The following IL6R variants were observed in gnomAD, a reference collection of about 807,000 sequenced individuals.
IL6R encodes interleukin 6 receptor.
IL6R carries 38 observed loss-of-function variants against 48.3 expected under a neutral mutation model. That is an observed-to-expected ratio of 0.79 (90% CI 0.61 to 1.03). The LOEUF (loss-of-function observed/expected upper bound fraction) is 1.03, where lower values mean the gene tolerates loss of function less well. IL6R is among the 50% of genes least tolerant of loss of function. The pLI, the probability that IL6R is intolerant of heterozygous loss-of-function variation, is 0.00. For missense variants in IL6R, 534 were observed against 618.3 expected (o/e 0.86, Z 1.45); for synonymous variants, 264 against 256.2 (o/e 1.03, Z -0.29).
chr1:154,441,103 GCT>G (rs1570974992), intron 6 of IL6R, among the ~76,000 whole-genome samples: 2 of 152,224 alleles, frequency 1.3e-5, no homozygotes, highest in African/African-American at 2.4e-5. Flanking sequence ...TTCCTAGTCT[GCT>G]CTCTCTGAAT....
At chr1:154,434,103 C>T (rs375805796) in intron 3 of IL6R, among the ~76,000 whole-genome samples, 30 of 151,852 alleles carry the variant, frequency 2.0e-4, no homozygotes, top group African/African-American at 5.5e-4. Flanking sequence ...GAGGCTGAGG[C>T]GGGCAGATCA....
At chr1:154,462,777 T>A (rs985112909) in intron 9 of IL6R, among the ~76,000 whole-genome samples, 1 of 152,172 alleles carries the variant, frequency 6.6e-6, no homozygotes, top group Non-Finnish European at 1.5e-5. Context: ...TACCAATTAT[T>A]TGGGTGTTAT....
chr1:154,428,095 A>G (rs1558308552), intron 1 of IL6R, among the ~76,000 whole-genome samples: 2 of 152,208 alleles, frequency 1.3e-5, no homozygotes, highest in Non-Finnish European at 2.9e-5. Context: ...TGGTTGGACT[A>G]ATTTGATTGG....
chr1:154,429,279 A>G lies in IL6R; in HGVS notation c.169A>G (p.Thr57Ala). ...GGGGGTAGAGCCGGAAGACAATGCC[A>G]CTGTTCACTGGGTGCTCAGGAAGCC... ...CPGVEPEDNA[T>A]VHWVLRKPAA... The change falls in exon 2 of 10, where the codon ACT (threonine) becomes GCT (alanine). Residue 57 changes from threonine to alanine, a missense_variant. Coordinates refer to ENST00000368485, the MANE Select transcript of IL6R (RefSeq NM_000565.4). 1.2e-6 allele frequency: 2 copies of G among 1,614,062 alleles called. No individual in the cohort carries two copies. Among genetic ancestry groups the G allele is most frequent in the African/African-American group, 2.7e-5 (2 of 75,012 alleles).
At chr1:154,411,134 C>T (rs1334417104) in intron 1 of IL6R, among the ~76,000 whole-genome samples, 1 of 152,180 alleles carries the variant, frequency 6.6e-6, no homozygotes, top group Admixed American at 6.5e-5. Flanking sequence ...TCTTGGCTCA[C>T]TGCAACCTCT....
intron 6 of IL6R, among the ~76,000 whole-genome samples, chr1:154,440,232 A>G (rs1689857614): frequency 1.3e-5 from 2 of 152,166 alleles, no homozygotes; most frequent in South Asian, 4.1e-4. Flanking sequence ...CATGTGTCAG[A>G]CTTTCCTCCC....
intron 6 of IL6R, among the ~76,000 whole-genome samples, chr1:154,442,248 G>T (rs569876172): frequency 1.3e-5 from 2 of 152,304 alleles, no homozygotes; most frequent in African/African-American, 4.8e-5. Flanking sequence ...CGATAAGGCC[G>T]TAAGCAGACT....
chr1:154,421,932 T>C (rs1046120965), intron 1 of IL6R, among the ~76,000 whole-genome samples: 1 of 144,032 alleles, frequency 6.9e-6, no homozygotes, highest in Non-Finnish European at 1.5e-5. Context: ...CTCTCAATTC[T>C]TTTTTTTTTA....
intron 3 of IL6R, 65 bp downstream of exon 3, chr1:154,430,671 G>GGCT (rs1689246047): frequency 1.3e-6 from 2 of 1,598,350 alleles, no homozygotes; most frequent in Admixed American, 3.4e-5. Flanking sequence ...CCCAGAGAGG[G>GGCT]GCTGGTTCAG....
At chr1:154,412,502 C>T (rs1688084413) in intron 1 of IL6R, among the ~76,000 whole-genome samples, 1 of 152,096 alleles carries the variant, frequency 6.6e-6, no homozygotes, top group Non-Finnish European at 1.5e-5. Flanking sequence ...AGGTGATCCA[C>T]CCACCTTGGC....
chr1:154,448,669 G>T (rs1409469020), intron 7 of IL6R, among the ~76,000 whole-genome samples: 1 of 152,148 alleles, frequency 6.6e-6, no homozygotes, highest in African/African-American at 2.4e-5. Flanking sequence ...CAGGGAAGGA[G>T]CCTGGGGCTC....
rs28730735 is a variant in IL6R at position 154,454,556 on chromosome 1, C to G, written c.1135C>G (p.Leu379Val). Residue 379 changes from leucine to valine, a missense_variant, in exon 9 of 10, where the codon CTC becomes GTC. Coordinates refer to ENST00000368485, the MANE Select transcript of IL6R (RefSeq NM_000565.4). ...TGGAGGGAGCCTGGCCTTCGGAACG[C>G]TCCTCTGCATTGCCATTGTTCTGAG... ...VAGGSLAFGT[L>V]LCIAIVLRFK... is the part of the protein sequence containing the mutation. 146 of 1,613,406 alleles carry G rather than the reference C, an allele frequency of 9.0e-5. 1 individual carries two copies. The highest frequency in any genetic ancestry group is 8.5e-6 in the Non-Finnish European group (10 of 1,179,436).
chr1:154,441,805 G>C (rs1281008588), intron 6 of IL6R, among the ~76,000 whole-genome samples: 2 of 152,046 alleles, frequency 1.3e-5, no homozygotes, highest in Non-Finnish European at 2.9e-5. Context: ...GTGGCCTTTG[G>C]GAGACACAGA....
intron 1 of IL6R, chr1:154,418,524 A>C (rs961830350): frequency 3.8e-6 from 2 of 529,944 alleles, no homozygotes; most frequent in African/African-American, 4.1e-5. Flanking sequence ...AGCCAAAGCT[A>C]GTCATCTGAG....
chr1:154,427,674 C>T (rs1689054366), intron 1 of IL6R, among the ~76,000 whole-genome samples: 1 of 151,998 alleles, frequency 6.6e-6, no homozygotes. Context: ...CTGTCTCCGC[C>T]CCTTTGATGT....
intron 8 of IL6R, among the ~76,000 whole-genome samples, chr1:154,451,283 C>T (rs947675838): frequency 6.6e-6 from 1 of 151,962 alleles, no homozygotes; most frequent in Non-Finnish European, 1.5e-5. Flanking sequence ...TTTGGGAGGC[C>T]GAGGTAGGAG....
In IL6R at chr1:154,429,291, G is replaced by A. The variant is rs1290550416; in HGVS notation, c.181G>A (p.Val61Met). 11 of 1,614,174 alleles carry A rather than the reference G, an allele frequency of 6.8e-6. No individual in the cohort carries two copies. Among genetic ancestry groups the A allele is most frequent in the Non-Finnish European group, 7.6e-6 (9 of 1,180,040 alleles). ...GGAAGACAATGCCACTGTTCACTGG[G>A]TGCTCAGGAAGCCGGCTGCAGGCTC... ...EPEDNATVHW[V>M]LRKPAAGSHP... is the part of the protein sequence containing the mutation. The change falls in exon 2 of 10, where the codon GTG becomes ATG. Residue 61 changes from valine (V) to methionine (M), a missense_variant. By Grantham distance (21) the Val-to-Met change is conservative. Coordinates refer to ENST00000368485, the MANE Select transcript of IL6R (RefSeq NM_000565.4).
chr1:154,441,448 G>A (rs1287041341), intron 6 of IL6R, among the ~76,000 whole-genome samples: 1 of 152,154 alleles, frequency 6.6e-6, no homozygotes, highest in Non-Finnish European at 1.5e-5. Context: ...CTATGCATGT[G>A]TGGTTTGAGG....
At chr1:154,408,313 T>G (rs1039513010) in intron 1 of IL6R, among the ~76,000 whole-genome samples, 7 of 152,188 alleles carry the variant, frequency 4.6e-5, no homozygotes, top group Non-Finnish European at 4.4e-5. Context: ...CTCCTTGCTT[T>G]GGCTTGCTGC....
Sources: allele counts gnomAD v4.1 joint callset (sites outside exome capture counted in the v4.1 genomes callset), GRCh38; gene constraint gnomAD v4.1.1; transcripts MANE v1.5; gene names NCBI Gene and HGNC (gene_info 2026-07-23, HGNC 2026-07-21).